The following TLL2 variants were observed in gnomAD, a reference collection of about 807,000 sequenced individuals.
TLL2 encodes tolloid like 2.
In TLL2, 106 loss-of-function variants were observed where a neutral mutation model predicts 123.0. The observed-to-expected ratio is 0.86, with a 90% CI of 0.74 to 1.01. The LOEUF (loss-of-function observed/expected upper bound fraction) is 1.01, where lower values mean the gene tolerates loss of function less well. TLL2 is among the 50% of genes least tolerant of loss of function. The pLI is 0.00. For synonymous variants in TLL2, 494 were observed against 516.8 expected, an observed-to-expected ratio of 0.96 and a Z score of 0.60; for missense variants, 1,332 against 1,336.7, an observed-to-expected ratio of 1.00 and a Z score of 0.06.
At position 96,386,961 on chromosome 10, in the gene TLL2, ATCT is replaced by A. The variant is rs569404975; in HGVS notation, c.1841_1843del (p.Lys614del). ...GCAGGTCCCACACCAACCTTCACACATCTTCTTATCGGCGGCCAGCTCGTAGCC... is the reference window on the plus strand; with the variant it reads ...GCAGGTCCCACACCAACCTTCACACATCTTATCGGCGGCCAGCTCGTAGCC... On this transcript the variant is annotated inframe_deletion, in exon 14 of 21. Coordinates refer to ENST00000357947, the MANE Select transcript of TLL2 (RefSeq NM_012465.4). 1.4e-4 allele frequency: 232 copies of A among 1,613,984 alleles called. No individual in the cohort carries two copies. The highest frequency in any genetic ancestry group is 1.4e-3 in the South Asian group (126 of 91,058).
chr10:96,476,021 A>G (rs6584077), intron 2 of TLL2, among the ~76,000 whole-genome samples: 113,856 of 150,366 alleles, frequency 0.76, 43,269 homozygotes, highest in East Asian at 0.86. Flanking sequence ...CACGTGGAAC[A>G]GTGAGTCCAA....
At chr10:96,384,383 G>C (rs1846210596) in intron 16 of TLL2, among the ~76,000 whole-genome samples, 1 of 152,168 alleles carries the variant, frequency 6.6e-6, no homozygotes. Context: ...GTGGTAATTT[G>C]TTATGGCAGC....
chr10:96,508,197 TGCCCAG>T (rs1847595246), intron 1 of TLL2, among the ~76,000 whole-genome samples: 1 of 152,220 alleles, frequency 6.6e-6, no homozygotes, highest in Non-Finnish European at 1.5e-5. Flanking sequence ...AGAGGAGCAC[TGCCCAG>T]GTCTCTACAA....
In TLL2 at chr10:96,368,938, T is replaced by C. The variant is rs552152764; in HGVS notation, c.2914-716A>G. Among the ~76,000 whole-genome samples the C allele has an allele frequency of 4.6e-5, 7 of 152,332 alleles. 1 individual carries two copies. The South Asian group carries it at 1.5e-3, about 32-fold the overall frequency. On this transcript the variant is annotated intron_variant, in intron 20 of 20. Coordinates refer to ENST00000357947, the MANE Select transcript of TLL2 (RefSeq NM_012465.4). ...GTTTGAAAGATTTTATCAAAGGCAGTGCATTGGTTAAGTGCCACTTTGTCA... is the reference window on the plus strand; with the variant it reads ...GTTTGAAAGATTTTATCAAAGGCAGCGCATTGGTTAAGTGCCACTTTGTCA...
intron 13 of TLL2, among the ~76,000 whole-genome samples, chr10:96,394,513 G>A (rs1923696): frequency 0.3 from 46,090 of 152,080 alleles, 7,381 homozygotes; most frequent in Non-Finnish European, 0.36. Flanking sequence ...AGAGCAGCAG[G>A]TCCCCAGGGC....
intron 10 of TLL2, among the ~76,000 whole-genome samples, chr10:96,400,082 T>C (rs374462402): frequency 6.6e-6 from 1 of 152,242 alleles, no homozygotes; most frequent in South Asian, 2.1e-4. Context: ...GATGTCTCAG[T>C]GTTCTCATCT....
chr10:96,430,980 C>G (rs1385590476), intron 4 of TLL2, among the ~76,000 whole-genome samples: 1 of 152,082 alleles, frequency 6.6e-6, no homozygotes, highest in Admixed American at 6.5e-5. Flanking sequence ...ATTTTTTGTT[C>G]AAATTGTTTA....
chr10:96,444,037 T>C (rs1385308114), intron 3 of TLL2, among the ~76,000 whole-genome samples: 1 of 152,148 alleles, frequency 6.6e-6, no homozygotes, highest in Non-Finnish European at 1.5e-5. Context: ...CGATTCCCAC[T>C]GACAAACATA....
intron 2 of TLL2, among the ~76,000 whole-genome samples, chr10:96,466,493 G>A (rs893420515): frequency 4.6e-5 from 7 of 152,172 alleles, no homozygotes; most frequent in Non-Finnish European, 1.0e-4. Context: ...CATCAGCAGC[G>A]TCCCACTGAG....
At chr10:96,490,153 T>C in intron 1 of TLL2, among the ~76,000 whole-genome samples, 1 of 152,066 alleles carries the variant, frequency 6.6e-6, no homozygotes, top group Non-Finnish European at 1.5e-5. Context: ...GGAACAACCT[T>C]GATGACAAAA....
At chr10:96,497,638 G>A (rs529334771) in intron 1 of TLL2, among the ~76,000 whole-genome samples, 7 of 152,166 alleles carry the variant, frequency 4.6e-5, no homozygotes, top group Non-Finnish European at 1.0e-4. Context: ...TCCAGCTCCA[G>A]TAGCACTGCT....
At chr10:96,372,456 T>C (rs1187675200) in intron 19 of TLL2, among the ~76,000 whole-genome samples, 1 of 152,170 alleles carries the variant, frequency 6.6e-6, no homozygotes, top group Non-Finnish European at 1.5e-5. Context: ...TTTGCTTCTG[T>C]GGGCACTAGT....
At chr10:96,448,142 C>G (rs999524434) in intron 2 of TLL2, among the ~76,000 whole-genome samples, 1 of 152,310 alleles carries the variant, frequency 6.6e-6, no homozygotes, top group East Asian at 1.9e-4. Context: ...TACAGCCAGG[C>G]GGAGATGGGA....
chr10:96,444,955 C>T (rs1025802016), intron 3 of TLL2, among the ~76,000 whole-genome samples: 5 of 152,142 alleles, frequency 3.3e-5, no homozygotes, highest in Admixed American at 1.3e-4. Context: ...TTTGGGAGGC[C>T]GAGGCGGGCA....
At chr10:96,513,026 C>T (rs982313209) in intron 1 of TLL2, among the ~76,000 whole-genome samples, 3 of 152,264 alleles carry the variant, frequency 2.0e-5, no homozygotes, top group African/African-American at 4.8e-5. Context: ...CGCTGTGACG[C>T]TTTTCTTTTT....
intron 10 of TLL2, among the ~76,000 whole-genome samples, chr10:96,398,374 G>GC (rs758896429): frequency 1.3e-4 from 20 of 152,230 alleles, no homozygotes; most frequent in Non-Finnish European, 1.3e-4. Flanking sequence ...CAGGATAGAT[G>GC]CCCCCCGCCA....
chr10:96,493,193 G>A (rs1474791831), intron 1 of TLL2, among the ~76,000 whole-genome samples: 2 of 152,222 alleles, frequency 1.3e-5, no homozygotes, highest in African/African-American at 4.8e-5. Flanking sequence ...TGTAGGCACA[G>A]AGAGATTTAG....
chr10:96,480,953 T>C (rs1847306994), intron 1 of TLL2, among the ~76,000 whole-genome samples: 1 of 152,218 alleles, frequency 6.6e-6, no homozygotes, highest in Admixed American at 6.5e-5. Flanking sequence ...CTTTAAGAGC[T>C]AGTGCATGAT....
At chr10:96,385,925 G>T (rs1422666881) in intron 15 of TLL2, 130 bp downstream of exon 15, 2 of 905,076 alleles carry the variant, frequency 2.2e-6, no homozygotes, top group Middle Eastern at 3.0e-4. Flanking sequence ...TTCTGCTAGC[G>T]CAGGTCCTAA....
Sources: gnomAD v4.1 joint callset for allele counts (sites outside exome capture counted in the v4.1 genomes callset) on GRCh38, gnomAD v4.1.1 for gene constraint, MANE v1.5 for transcripts, NCBI Gene and HGNC (gene_info 2026-07-23, HGNC 2026-07-21) for gene names.